DST: variants seen among roughly 807,000 people sequenced by gnomAD.
DST encodes the protein dystonin.
DST carries 253 observed loss-of-function variants against 875.2 expected under a neutral mutation model. That is an observed-to-expected ratio of 0.29 (90% CI 0.26 to 0.32). The LOEUF (loss-of-function observed/expected upper bound fraction) is 0.32. DST is among the 10% of genes least tolerant of loss of function. The pLI is 1.00. For synonymous variants in DST, 3,124 were observed against 3,197.1 expected (o/e 0.98, Z 0.77); for missense variants, 8,287 against 9,111.6 (o/e 0.91, Z 3.68).
rs765241229 is a variant in DST, at chr6:56,463,080, G to A, written c.23036C>T (p.Ala7679Val). The A allele has an allele frequency of 3.1e-6, 5 of 1,613,482 alleles. No individual in the cohort carries two copies. The East Asian group carries it at 1.1e-4, about 36-fold the overall frequency. The change falls in exon 102 of 104, where the codon GCA becomes GTA. Residue 7679 changes from alanine to valine, a missense_variant. This residue lies in a region of DST where 240 missense variants were observed against 237.3 expected (regional missense o/e 1.01). Coordinates refer to ENST00000680361, the MANE Select transcript of DST (RefSeq NM_001374736.1). ...NSKMSTPCKA[A>V]ECSDFPVPSA... Reference sequence around the variant, plus strand: ...TGGCACGGGAAAGTCTGAGCACTCTGCTGCTTTACAAGGAGTTGACATTTT... The same window carrying A: ...TGGCACGGGAAAGTCTGAGCACTCTACTGCTTTACAAGGAGTTGACATTTT...
intron 5 of DST, among the ~76,000 whole-genome samples, chr6:56,724,215 AC>A (rs1402165352): frequency 6.6e-6 from 1 of 152,208 alleles, no homozygotes; most frequent in African/African-American, 2.4e-5. Context: ...GGGAACAATA[AC>A]AAACTATGAG....
At chr6:56,810,504 C>G (rs1258701858) in intron 4 of DST, among the ~76,000 whole-genome samples, 3 of 152,058 alleles carry the variant, frequency 2.0e-5, no homozygotes, top group Admixed American at 6.5e-5. Context: ...TCTTATGTTC[C>G]TACCTTTTAA....
chr6:56,603,453 A>G (rs755999758), intron 41 of DST, 33 bp from the exon 42 acceptor site: 1 of 1,600,348 alleles, frequency 6.2e-7, no homozygotes, highest in South Asian at 1.1e-5. Flanking sequence ...CCTATTTACT[A>G]TTTAGTGAAA....
chr6:56,828,787 A>T (rs1237956561), intron 4 of DST, among the ~76,000 whole-genome samples: 2 of 152,198 alleles, frequency 1.3e-5, no homozygotes, highest in Non-Finnish European at 2.9e-5. Flanking sequence ...AAGGCTGGGC[A>T]GGTGGGAGAG....
At chr6:56,550,287 T>C (rs2097300497) in intron 61 of DST, among the ~76,000 whole-genome samples, 1 of 152,194 alleles carries the variant, frequency 6.6e-6, no homozygotes, top group Admixed American at 6.5e-5. Context: ...AAGTATGCCA[T>C]GATGTTCTTT....
chr6:56,749,169 A>G (rs1339499207), intron 4 of DST, among the ~76,000 whole-genome samples: 3 of 152,132 alleles, frequency 2.0e-5, no homozygotes, highest in Non-Finnish European at 4.4e-5. Flanking sequence ...GCTGGCCAAC[A>G]TGGTGAAACC....
chr6:56,653,966 G>A (rs915058391), intron 10 of DST, among the ~76,000 whole-genome samples: 6 of 151,982 alleles, frequency 3.9e-5, no homozygotes, highest in African/African-American at 7.2e-5. Flanking sequence ...TCATTTCTTC[G>A]TAACATCTTT....
chr6:56,564,481 A>G (rs896502775), intron 55 of DST, among the ~76,000 whole-genome samples: 1 of 152,168 alleles, frequency 6.6e-6, no homozygotes, highest in Admixed American at 6.5e-5. Flanking sequence ...GGCTGAGATG[A>G]TGGGGTTTTC....
Position 56,555,833 on chromosome 6 carries a change from A to G in DST, c.14648T>C (p.Leu4883Pro), listed in dbSNP as rs1026619235. 3 of 1,493,300 alleles carry G rather than the reference A, an allele frequency of 2.0e-6. No individual in the cohort carries two copies. Among genetic ancestry groups the G allele is most frequent in the Non-Finnish European group, 2.7e-6 (3 of 1,120,048 alleles). The allele number at this position is 1,493,300 out of a possible 1,614,324, so 92.5% of individuals were successfully genotyped here. A position where few individuals can be genotyped will look rare whatever the true frequency, so the allele number is the denominator to read the frequency against. ...NTQRQQVQIL[L>P]QEFATRKPQY... ...AGGTTTCCGAGTGGCGAATTCTTGC[A>G]GCAAAATCTAAGGTAACAAGGGTAA... Residue 4883 changes from leucine to proline, a missense_variant, in exon 60 of 104, where the codon CTG (leucine) becomes CCG (proline). This residue lies in a region of DST where 1,513 missense variants were observed against 1,677.8 expected (regional missense o/e 0.90). Transcript: ENST00000680361.
chr6:56,542,772 C>G (rs943168299), intron 61 of DST: 1 of 152,384 alleles, frequency 6.6e-6, no homozygotes, highest in African/African-American at 2.4e-5. Context: ...CCAGCCAGGG[C>G]GCTTGCAGCA....
chr6:56,621,344 G>T (rs2098689199), intron 36 of DST, among the ~76,000 whole-genome samples: 1 of 152,162 alleles, frequency 6.6e-6, no homozygotes, highest in Non-Finnish European at 1.5e-5. Context: ...TCTAAAGTCA[G>T]ATCCCTTATT....
At chr6:56,554,179 G>T (rs1421726987) in intron 60 of DST, among the ~76,000 whole-genome samples, 1 of 147,106 alleles carries the variant, frequency 6.8e-6, no homozygotes, top group Non-Finnish European at 1.5e-5. Context: ...CCTCCTCCTG[G>T]GTTCACACCA....
rs549357386 is a variant in DST at position 56,897,943 on chromosome 6, A to T, written c.417+2478T>A. ...GCTCTTCCTACCAGGATCAATTAAG[A>T]CCAATGCCCTCTGCTGCCCCTTAGA... On this transcript the variant is annotated intron_variant, in intron 3 of 103. Coordinates refer to ENST00000680361, the MANE Select transcript of DST (RefSeq NM_001374736.1). 3.3e-5 allele frequency among the ~76,000 whole-genome samples: 5 copies of T among 152,192 alleles called. No homozygotes were observed. In the East Asian group the frequency reaches 9.7e-4, roughly 29 times the overall value.
intron 2 of DST, among the ~76,000 whole-genome samples, chr6:56,944,512 G>A (rs1196453139): frequency 6.6e-6 from 1 of 151,982 alleles, no homozygotes; most frequent in Non-Finnish European, 1.5e-5. Context: ...AGAAAAGAGA[G>A]GAAAGAAATA....
At chr6:56,473,593 T>A (rs527466987) in intron 93 of DST, among the ~76,000 whole-genome samples, 2 of 152,306 alleles carry the variant, frequency 1.3e-5, no homozygotes, top group Non-Finnish European at 2.9e-5. Flanking sequence ...GGTGTGATGA[T>A]TTCCATTCTT....
At chr6:56,532,170 C>G (rs954523856) in intron 64 of DST, among the ~76,000 whole-genome samples, 174 bp downstream of exon 64, 1 of 152,104 alleles carries the variant, frequency 6.6e-6, no homozygotes, top group Non-Finnish European at 1.5e-5. Flanking sequence ...CGGTGACAAG[C>G]CATTACCATT....
At chr6:56,649,077 G>T (rs1392248654) in intron 12 of DST, among the ~76,000 whole-genome samples, 2 of 152,070 alleles carry the variant, frequency 1.3e-5, no homozygotes, top group Non-Finnish European at 2.9e-5. Context: ...TGCCATCTTT[G>T]CCAACTATTT....
At chr6:56,637,404 T>C (rs2098836206) in intron 22 of DST, among the ~76,000 whole-genome samples, 2 of 152,214 alleles carry the variant, frequency 1.3e-5, no homozygotes, top group Non-Finnish European at 2.9e-5. Context: ...TCCTCCGATA[T>C]GTTTTCTTTC....
At chr6:56,506,399 C>T (rs749245095) in intron 77 of DST, 44 bp downstream of exon 77, 1 of 1,493,280 alleles carries the variant, frequency 6.7e-7, no homozygotes. Context: ...TAGTACGATT[C>T]CTCCTTCCAG....
Sources: gnomAD v4.1 joint callset for allele counts (sites outside exome capture counted in the v4.1 genomes callset) on GRCh38, gnomAD v4.1.1 for gene constraint, gnomAD v4.1.1 regional missense constraint, MANE v1.5 for transcripts, NCBI Gene and HGNC (gene_info 2026-07-23, HGNC 2026-07-21) for gene names.